The following NAV2 variants were observed in gnomAD, a reference collection of about 807,000 sequenced individuals.
NAV2 encodes the protein neuron navigator 2.
Under a neutral mutation model 223.2 loss-of-function variants are expected in NAV2, and 54 were observed. That is an observed-to-expected ratio of 0.24 (90% CI 0.19 to 0.30). The LOEUF (loss-of-function observed/expected upper bound fraction) is 0.30, where lower values mean the gene tolerates loss of function less well. Among genes scored for constraint, NAV2 ranks in the 10% least tolerant of loss-of-function variants. NAV2 has a pLI of 1.00. For synonymous variants in NAV2, 1,279 were observed against 1,239.3 expected (o/e 1.03, Z -0.67); for missense variants, 2,806 against 3,147.5 (o/e 0.89, Z 2.60).
intron 12 of NAV2, among the ~76,000 whole-genome samples, chr11:20,038,564 G>T (rs143641059): frequency 2.6e-5 from 4 of 152,248 alleles, no homozygotes; most frequent in African/African-American, 9.6e-5. Context: ...CTCATATCAC[G>T]CTGAGGAATG....
chr11:19,616,505 C>T (rs909637298), intron 1 of NAV2, among the ~76,000 whole-genome samples: 5 of 152,024 alleles, frequency 3.3e-5, no homozygotes, highest in African/African-American at 1.2e-4. Flanking sequence ...TTTGCTCCCG[C>T]GGAGCAGGGA....
At chr11:19,678,597 G>A (rs1373249628) in intron 1 of NAV2, among the ~76,000 whole-genome samples, 2 of 152,170 alleles carry the variant, frequency 1.3e-5, no homozygotes, top group African/African-American at 2.4e-5. Context: ...TAGAACCCGC[G>A]TCTGAGGAGC....
rs1391901852 is a variant in NAV2 at position 20,119,552 on chromosome 11, G to A, written c.*1294G>A. Reference sequence around the variant, plus strand: ...ATGACGCAGCTCAATAAGGGTGAGGGTCACTCCCTCCCAGAAGCCCCGTCT... The same window carrying A: ...ATGACGCAGCTCAATAAGGGTGAGGATCACTCCCTCCCAGAAGCCCCGTCT... On this transcript the variant is annotated 3_prime_UTR_variant, in exon 38 of 38. Transcript: ENST00000349880. 1 of 152,606 alleles carries A rather than the reference G, an allele frequency of 6.6e-6. No homozygotes were observed. Among genetic ancestry groups the A allele is most frequent in the East Asian group, 1.9e-4 (1 of 5,192 alleles). The allele number at this position is 152,606 out of a possible 1,614,324, so 9.5% of individuals were successfully genotyped here.
At chr11:19,680,226 C>T (rs1353503772) in intron 1 of NAV2, among the ~76,000 whole-genome samples, 1 of 152,116 alleles carries the variant, frequency 6.6e-6, no homozygotes. Flanking sequence ...ATCCCCCACC[C>T]CCCTCTTTAG....
intron 22 of NAV2, among the ~76,000 whole-genome samples, chr11:20,071,019 G>A (rs530976412): frequency 4.5e-4 from 69 of 151,838 alleles, no homozygotes; most frequent in African/African-American, 1.4e-3. Context: ...GGTTCGTTAC[G>A]TACGTATACA....
At chr11:19,716,061 TCCAAAA>T in intron 1 of NAV2, among the ~76,000 whole-genome samples, 1 of 133,998 alleles carries the variant, frequency 7.5e-6, no homozygotes, top group South Asian at 2.6e-4. Context: ...CCATTCCCCC[TCCAAAA>T]CAGTCTCTTG....
At chr11:19,811,426 T>C (rs145716976) in intron 1 of NAV2, among the ~76,000 whole-genome samples, 11 of 152,212 alleles carry the variant, frequency 7.2e-5, no homozygotes, top group Non-Finnish European at 1.6e-4. Flanking sequence ...ATGCTCACAA[T>C]GAAGGTGACA....
Position 19,446,693 on chromosome 11 carries a change from A to C in NAV2, c.75+95666A>C, listed in dbSNP as rs146419468. Among the ~76,000 whole-genome samples, 40 of 152,326 alleles carry C rather than the reference A, an allele frequency of 2.6e-4. No individual in the cohort carries two copies. In the East Asian group the frequency reaches 7.1e-3, roughly 27 times the overall value. On this transcript the variant is annotated intron_variant, in intron 1 of 37. Coordinates refer to the NAV2 transcript ENST00000360655. ...CTGCCTGCCGCCAGAGTCATCATTA[A>C]TGCAAACAGCTGAACCGCTGAACTG...
intron 20 of NAV2, among the ~76,000 whole-genome samples, chr11:20,063,276 A>G (rs531297214): frequency 6.6e-6 from 1 of 152,366 alleles, no homozygotes; most frequent in African/African-American, 2.4e-5. Flanking sequence ...TCCATGAGAG[A>G]GGTTTAGTAA....
At chr11:19,984,354 A>C in intron 11 of NAV2, 107 bp downstream of exon 11, 6 of 1,533,460 alleles carry the variant, frequency 3.9e-6, no homozygotes, top group Admixed American at 3.6e-5. Flanking sequence ...TTGAACCCAC[A>C]GAGAGGGAGG....
intron 1 of NAV2, among the ~76,000 whole-genome samples, chr11:19,584,170 G>A (rs1413717309): frequency 6.6e-6 from 1 of 152,168 alleles, no homozygotes; most frequent in Non-Finnish European, 1.5e-5. Context: ...TTGCATAGAG[G>A]TGTTCATAAT....
At chr11:19,497,923 T>C (rs1368554439) in intron 1 of NAV2, among the ~76,000 whole-genome samples, 1 of 152,174 alleles carries the variant, frequency 6.6e-6, no homozygotes, top group East Asian at 1.9e-4. Context: ...GCTTATTACT[T>C]GCAGATTCTG....
intron 29 of NAV2, among the ~76,000 whole-genome samples, chr11:20,095,241 A>G (rs1291465659): frequency 1.3e-5 from 2 of 152,218 alleles, no homozygotes; most frequent in East Asian, 3.8e-4. Flanking sequence ...ATCATTATAT[A>G]AGTTACGTAC....
At chr11:20,031,029 G>A (rs140521889) in intron 11 of NAV2, among the ~76,000 whole-genome samples, 19 of 152,168 alleles carry the variant, frequency 1.2e-4, no homozygotes, top group African/African-American at 4.3e-4. Flanking sequence ...TGAAATAAGG[G>A]TAGTCGGTTT....
intron 1 of NAV2, among the ~76,000 whole-genome samples, chr11:19,689,812 A>T (rs570834745): frequency 3.3e-5 from 5 of 152,302 alleles, no homozygotes; most frequent in African/African-American, 1.2e-4. Flanking sequence ...GTGTCTTTCC[A>T]CGAGACTTTC....
chr11:19,503,541 G>A (rs920294818), intron 1 of NAV2: 2 of 152,284 alleles, frequency 1.3e-5, no homozygotes, highest in Admixed American at 1.3e-4. Context: ...CATGTGGCTG[G>A]AATCATACAA....
chr11:19,777,086 G>T (rs1315117487), intron 1 of NAV2, among the ~76,000 whole-genome samples: 1 of 136,978 alleles, frequency 7.3e-6, no homozygotes, highest in African/African-American at 3.0e-5. Context: ...GAACTCACCA[G>T]CCGCCGACCC....
intron 1 of NAV2, among the ~76,000 whole-genome samples, chr11:19,550,268 C>G (rs1164372061): frequency 6.6e-6 from 1 of 152,160 alleles, no homozygotes; most frequent in Admixed American, 6.5e-5. Context: ...TGAAGAAAAT[C>G]AGCTGAGAAA....
intron 11 of NAV2, among the ~76,000 whole-genome samples, chr11:20,002,479 T>G (rs529111561): frequency 6.6e-6 from 1 of 152,266 alleles, no homozygotes; most frequent in East Asian, 1.9e-4. Context: ...ACAAGAGCAC[T>G]GTAGCATGGG....
Sources: allele counts gnomAD v4.1 joint callset (sites outside exome capture counted in the v4.1 genomes callset), GRCh38; gene constraint gnomAD v4.1.1; transcripts MANE v1.5; gene names NCBI Gene and HGNC (gene_info 2026-07-23, HGNC 2026-07-21).